GDAP2: variants seen among roughly 807,000 people sequenced by gnomAD.
The protein encoded by GDAP2 is ganglioside-induced differentiation-associated protein 2.
Under a neutral mutation model 67.0 loss-of-function variants are expected in GDAP2, and 51 were observed. That is an observed-to-expected ratio of 0.76 (90% CI 0.61 to 0.96). GDAP2 has a LOEUF of 0.96. GDAP2 is among the 40% of genes least tolerant of loss of function. The probability of loss-of-function intolerance (pLI) is 0.00; values close to 1 mark genes in which losing one functional copy is unlikely to be tolerated. For missense variants in GDAP2, 547 were observed against 588.3 expected (o/e 0.93, Z 0.73); for synonymous variants, 203 against 207.3 (o/e 0.98, Z 0.18).
At chr1:117,891,542 C>G (rs1649085437) in intron 8 of GDAP2, among the ~76,000 whole-genome samples, 3 of 152,048 alleles carry the variant, frequency 2.0e-5, no homozygotes, top group Non-Finnish European at 4.4e-5. Context: ...TGACTTGATT[C>G]TATGAGATGC....
rs573840069 is a variant in GDAP2, at chr1:117,885,546, T to A, written c.1107+1031A>T. ...TTATAAGGGTCACAGAATATCCTAT[T>A]TGAATGTACCATAATTATCTGTGAG... is the stretch of plus-strand genomic sequence containing the variant. On this transcript the variant is annotated intron_variant, in intron 10 of 13. Transcript: ENST00000369443. Among the ~76,000 whole-genome samples, 30 of 152,266 alleles carry A rather than the reference T, an allele frequency of 2.0e-4. No homozygotes were observed. In the East Asian group the frequency reaches 5.6e-3, roughly 28 times the overall value.
At chr1:117,895,654 G>C (rs1193501465) in intron 8 of GDAP2, among the ~76,000 whole-genome samples, 1 of 152,110 alleles carries the variant, frequency 6.6e-6, no homozygotes, top group East Asian at 1.9e-4. Flanking sequence ...AGAAACCACT[G>C]AAAGTATCAT....
chr1:117,890,278 C>A (rs951664869), intron 8 of GDAP2, among the ~76,000 whole-genome samples: 2 of 152,018 alleles, frequency 1.3e-5, no homozygotes, highest in Non-Finnish European at 2.9e-5. Flanking sequence ...AAGACTTCTA[C>A]CATGTTCAGT....
intron 12 of GDAP2, among the ~76,000 whole-genome samples, chr1:117,878,955 G>A (rs373886072): frequency 1.3e-5 from 2 of 152,174 alleles, no homozygotes; most frequent in Non-Finnish European, 2.9e-5. Context: ...AGAAGGTAAC[G>A]TATGCAGGAA....
At chr1:117,873,710 A>G (rs1252153756) in intron 13 of GDAP2, among the ~76,000 whole-genome samples, 1 of 151,908 alleles carries the variant, frequency 6.6e-6, no homozygotes, top group East Asian at 1.9e-4. Context: ...TTTTCCTCCA[A>G]ATTGCTTCTC....
At chr1:117,871,425 C>A (rs778307452) in intron 13 of GDAP2, among the ~76,000 whole-genome samples, 2 of 152,094 alleles carry the variant, frequency 1.3e-5, no homozygotes, top group South Asian at 2.1e-4. Context: ...GAAAGTATTT[C>A]TTTGACAAAG....
chr1:117,911,215 T>C (rs1228371348), intron 5 of GDAP2, among the ~76,000 whole-genome samples: 1 of 152,206 alleles, frequency 6.6e-6, no homozygotes, highest in South Asian at 2.1e-4. Flanking sequence ...TAAATCTGCA[T>C]ATATACAGTG....
At position 117,866,217 on chromosome 1, in the gene GDAP2, G is replaced by C. The variant is rs1041814037; in HGVS notation, c.*4352C>G. On this transcript the variant is annotated 3_prime_UTR_variant, in exon 14 of 14. Transcript: ENST00000369443. ...GGTGGAGCCCTCATGAATGAGATTA[G>C]TGCCCTTATAAGAAGAGACAGGAAA... 6.6e-6 allele frequency: 1 copy of C among 152,134 alleles called. No individual in the cohort carries two copies. The highest frequency in any genetic ancestry group is 1.5e-5 in the Non-Finnish European group (1 of 68,024). 9.4% of individuals were successfully genotyped at this position (152,134 alleles called of 1,614,324 possible). A position where few individuals can be genotyped will look rare whatever the true frequency, so the allele number is the denominator to read the frequency against.
chr1:117,887,766 C>T lies in GDAP2; in HGVS notation c.962G>A (p.Arg321His), dbSNP rs370788372. 31 of 1,535,944 alleles carry T rather than the reference C, an allele frequency of 2.0e-5. No homozygotes were observed. The East Asian group carries it at 2.7e-4, about 13-fold the overall frequency. ...CTCAGATCTTGCTTGACATAACCAGCGATTATAACTAGGGAAATAAATGAT... is the reference window on the plus strand; with the variant it reads ...CTCAGATCTTGCTTGACATAACCAGTGATTATAACTAGGGAAATAAATGAT... ...LQKQHQRNYNRWLCQARSEDL... is the reference protein window; with the variant it reads ...LQKQHQRNYNHWLCQARSEDL... Residue 321 changes from arginine to histidine, a missense_variant, in exon 9 of 14, where the codon CGC (arginine) becomes CAC (histidine). Transcript: ENST00000369443.
In GDAP2 at chr1:117,864,620, T is replaced by C. The variant is rs1647999491; in HGVS notation, c.*5949A>G. Reference sequence around the variant, plus strand: ...TTAACCCATAAACTTGTTTTGGTTTTATACTTGTGCAAGACATATAAACAT... The same window carrying C: ...TTAACCCATAAACTTGTTTTGGTTTCATACTTGTGCAAGACATATAAACAT... On this transcript the variant is annotated 3_prime_UTR_variant, in exon 14 of 14. Transcript: ENST00000369443. 6.6e-6 allele frequency: 1 copy of C among 152,196 alleles called. No individual in the cohort carries two copies. The highest frequency in any genetic ancestry group is 1.5e-5 in the Non-Finnish European group (1 of 68,016). The allele number at this position is 152,196 out of a possible 1,614,324, so 9.4% of individuals were successfully genotyped here.
At chr1:117,885,821 T>A (rs1648833931) in intron 10 of GDAP2, among the ~76,000 whole-genome samples, 1 of 152,212 alleles carries the variant, frequency 6.6e-6, no homozygotes, top group East Asian at 1.9e-4. Flanking sequence ...TGAAGTCAGT[T>A]CCTAACAAAA....
Position 117,887,758 on chromosome 1 carries a change from A to G in GDAP2, c.970T>C (p.Cys324Arg), listed in dbSNP as rs1030747602. 8.3e-6 allele frequency: 13 copies of G among 1,560,842 alleles called. No individual in the cohort carries two copies. In the African/African-American group the frequency reaches 9.5e-5, roughly 11 times the overall value. ...QHQRNYNRWL[C>R]QARSEDLSDI... ...GACAGATCCTCAGATCTTGCTTGAC[A>G]TAACCAGCGATTATAACTAGGGAAA... The change falls in exon 9 of 14, where the codon TGT (cysteine) becomes CGT (arginine). Residue 324 changes from cysteine to arginine, a missense_variant. Physicochemically the swap from Cys to Arg is radical, Grantham distance 180 (BLOSUM62 -3). Transcript: ENST00000369443.
At chr1:117,871,888 T>A (rs966437808) in intron 13 of GDAP2, among the ~76,000 whole-genome samples, 5 of 152,094 alleles carry the variant, frequency 3.3e-5, no homozygotes, top group Admixed American at 6.6e-5. Flanking sequence ...GAAATTATCA[T>A]CAGAGTTGAA....
intron 13 of GDAP2, among the ~76,000 whole-genome samples, chr1:117,876,574 G>A (rs1310238235): frequency 6.6e-6 from 1 of 152,186 alleles, no homozygotes; most frequent in Non-Finnish European, 1.5e-5. Flanking sequence ...GGTACAAAGA[G>A]ATGATCCAAT....
chr1:117,896,088 C>T (rs1649251104), intron 8 of GDAP2, among the ~76,000 whole-genome samples: 1 of 152,178 alleles, frequency 6.6e-6, no homozygotes, highest in African/African-American at 2.4e-5. Context: ...CTCAGTACAG[C>T]AGTGAACAAT....
At chr1:117,918,258 A>T (rs1244460209) in intron 3 of GDAP2, among the ~76,000 whole-genome samples, 1 of 152,194 alleles carries the variant, frequency 6.6e-6, no homozygotes, top group Non-Finnish European at 1.5e-5. Flanking sequence ...GTTCACGAGG[A>T]GAGTCATCTC....
intron 1 of GDAP2, among the ~76,000 whole-genome samples, chr1:117,922,278 T>C (rs1048689307): frequency 6.6e-6 from 1 of 152,104 alleles, no homozygotes; most frequent in African/African-American, 2.4e-5. Context: ...GACTGAGTCC[T>C]ACAACAAAAC....
intron 7 of GDAP2, among the ~76,000 whole-genome samples, chr1:117,898,225 A>G (rs1649327637): frequency 6.6e-6 from 1 of 152,172 alleles, no homozygotes; most frequent in African/African-American, 2.4e-5. Flanking sequence ...GGATTTCAAA[A>G]CAACTCTTTG....
At chr1:117,894,858 T>G (rs1269822524) in intron 8 of GDAP2, among the ~76,000 whole-genome samples, 1 of 152,206 alleles carries the variant, frequency 6.6e-6, no homozygotes, top group African/African-American at 2.4e-5. Flanking sequence ...TATACATATT[T>G]GAAACATTTT....
Sources: gnomAD v4.1 joint callset for allele counts (sites outside exome capture counted in the v4.1 genomes callset) on GRCh38, gnomAD v4.1.1 for gene constraint, MANE v1.5 for transcripts, NCBI Gene and HGNC (gene_info 2026-07-23, HGNC 2026-07-21) for gene names.